The following PPP1R13B variants were observed in gnomAD, a reference collection of about 807,000 sequenced individuals.
PPP1R13B encodes apoptosis-stimulating of p53 protein 1.
PPP1R13B carries 44 observed loss-of-function variants against 119.8 expected under a neutral mutation model. The observed-to-expected ratio is 0.37, with a 90% CI of 0.29 to 0.47. PPP1R13B has a LOEUF of 0.47. Among genes scored for constraint, PPP1R13B ranks in the 20% least tolerant of loss-of-function variants. The probability of loss-of-function intolerance (pLI) is 0.99; values close to 1 mark genes in which losing one functional copy is unlikely to be tolerated. For synonymous variants in PPP1R13B, 542 were observed against 561.5 expected (o/e 0.97, Z 0.49); for missense variants, 1,227 against 1,413.5 (o/e 0.87, Z 2.12).
intron 4 of PPP1R13B, among the ~76,000 whole-genome samples, chr14:103,761,523 G>A (rs913078691): frequency 6.6e-6 from 1 of 151,950 alleles, no homozygotes; most frequent in East Asian, 1.9e-4. Context: ...CAGCGCTTTG[G>A]GAGGCCAAGG....
intron 1 of PPP1R13B, among the ~76,000 whole-genome samples, chr14:103,825,862 TGA>T (rs1477789705): frequency 1.3e-4 from 18 of 137,784 alleles, no homozygotes; most frequent in African/African-American, 4.6e-4. Flanking sequence ...TTTTTTTTTT[TGA>T]GAGAGAGTCT....
chr14:103,818,182 GA>G (rs1361795054), intron 1 of PPP1R13B, among the ~76,000 whole-genome samples: 1 of 152,122 alleles, frequency 6.6e-6, no homozygotes. Flanking sequence ...TCCTACTACA[GA>G]AAGGAAATTA....
chr14:103,817,193 T>C (rs922021934), intron 1 of PPP1R13B, among the ~76,000 whole-genome samples: 1 of 152,172 alleles, frequency 6.6e-6, no homozygotes, highest in African/African-American at 2.4e-5. Flanking sequence ...ATTCGGGCAC[T>C]AATGACATGA....
At position 103,740,389 on chromosome 14, in the gene PPP1R13B, G is replaced by A. The variant is rs1409907327; in HGVS notation, c.2027C>T (p.Thr676Met). 1.3e-5 allele frequency: 20 copies of A among 1,574,348 alleles called. No individual in the cohort carries two copies. The highest frequency in any genetic ancestry group is 4.7e-5 in the South Asian group (4 of 85,776). Reference protein sequence around the residue: ...LPRPLSPTKLTPIVHSPLRYQ... With the variant: ...LPRPLSPTKLMPIVHSPLRYQ... ...GCGCAGTGGCGAATGCACGATGGGC[G>A]TGAGCTTGGTGGGGCTGAGTGGCCG... Residue 676 changes from threonine (T) to methionine (M), a missense_variant, in exon 12 of 17, where the codon ACG (threonine) becomes ATG (methionine). Thr to Met is a moderately conservative substitution (Grantham distance 81, BLOSUM62 -1). Coordinates refer to ENST00000202556, the MANE Select transcript of PPP1R13B (RefSeq NM_015316.3). This position sits in a 1 kb window ranked among gnomAD's most constrained non-coding sequence, Gnocchi z 4.6.
intron 3 of PPP1R13B, among the ~76,000 whole-genome samples, chr14:103,779,559 G>A (rs902559241): frequency 6.6e-6 from 1 of 150,444 alleles, no homozygotes; most frequent in Non-Finnish European, 1.5e-5. Flanking sequence ...AGGATCACTT[G>A]AGCTCAGGAA....
chr14:103,743,727 T>A (rs1295713336), intron 9 of PPP1R13B, among the ~76,000 whole-genome samples: 1 of 152,194 alleles, frequency 6.6e-6, no homozygotes, highest in East Asian at 1.9e-4. Flanking sequence ...AGGGGATAAC[T>A]AAGTAGCAGC....
rs369261712 is a variant in PPP1R13B at position 103,737,707 on chromosome 14, G to A, written c.3018C>T (p.Ser1006=). 3 of 1,614,128 alleles carry A rather than the reference G, an allele frequency of 1.9e-6. No individual in the cohort carries two copies. Among genetic ancestry groups the A allele is most frequent in the Admixed American group, 1.7e-5 (1 of 60,004 alleles). ...TCCCCTGCGTACCATATAGAAACTG[G>A]GAGCACTGGATGTAGCCTTCCTCCA... ...EEMEEGYIQC[S]QFLYGVQEKL... Residue 1006 remains serine (S), a synonymous_variant, in exon 15 of 17, where the codon TCC becomes TCT. Coordinates refer to ENST00000202556, the MANE Select transcript of PPP1R13B (RefSeq NM_015316.3).
intron 7 of PPP1R13B, among the ~76,000 whole-genome samples, chr14:103,751,934 CTAAGTT>C (rs921242828): frequency 6.6e-6 from 1 of 152,146 alleles, no homozygotes; most frequent in Non-Finnish European, 1.5e-5. Flanking sequence ...AAATATCACC[CTAAGTT>C]TAATTCTTTA....
intron 8 of PPP1R13B, 30 bp from the exon 9 acceptor site, chr14:103,746,583 A>G (rs774415632): frequency 1.3e-6 from 2 of 1,518,956 alleles, no homozygotes; most frequent in South Asian, 2.4e-5. Context: ...GAGAGTCAAG[A>G]TTCTCCTACA....
intron 9 of PPP1R13B, among the ~76,000 whole-genome samples, chr14:103,745,163 G>T (rs940450181): frequency 1.1e-4 from 17 of 152,190 alleles, no homozygotes; most frequent in Admixed American, 1.1e-3. Flanking sequence ...GGCCGTAAGG[G>T]ATCTGAGTGG....
chr14:103,754,420 C>G (rs1401106535), intron 5 of PPP1R13B, among the ~76,000 whole-genome samples, 176 bp from the exon 6 acceptor site: 1 of 151,642 alleles, frequency 6.6e-6, no homozygotes, highest in Non-Finnish European at 1.5e-5. Context: ...CACAAAGTAA[C>G]TGGGCGTGGT....
At chr14:103,763,265 G>A (rs961103589) in intron 4 of PPP1R13B, 17 of 483,176 alleles carry the variant, frequency 3.5e-5, no homozygotes, top group South Asian at 6.9e-5. Flanking sequence ...TCTATGAAAC[G>A]TCTGTAGCTT....
chr14:103,823,134 C>T (rs1410672273), intron 1 of PPP1R13B, among the ~76,000 whole-genome samples: 2 of 151,840 alleles, frequency 1.3e-5, no homozygotes, highest in Admixed American at 6.6e-5. Context: ...GTCAGGAGAT[C>T]GAGACCATCC....
intron 2 of PPP1R13B, among the ~76,000 whole-genome samples, chr14:103,787,348 C>G (rs1225119995): frequency 6.6e-6 from 1 of 151,926 alleles, no homozygotes; most frequent in South Asian, 2.1e-4. Flanking sequence ...ACTCAGGAAG[C>G]TGAGGCAGAG....
chr14:103,784,068 C>T (rs866837600), intron 3 of PPP1R13B, among the ~76,000 whole-genome samples: 11 of 151,976 alleles, frequency 7.2e-5, no homozygotes, highest in South Asian at 2.1e-4. Flanking sequence ...CCCAACTACT[C>T]GGGAGGCTGA....
In PPP1R13B at chr14:103,816,544, G is replaced by A. The variant is rs537144856; in HGVS notation, c.10-19026C>T. 5.9e-5 allele frequency among the ~76,000 whole-genome samples: 9 copies of A among 151,434 alleles called. 1 individual carries two copies. Among genetic ancestry groups the A allele is most frequent in the South Asian group, 4.2e-4 (2 of 4,810 alleles). ...TCTGCTAAAAATATAAAAATTAGCC[G>A]GGGGTGGTGGCACATGCCTGTAATC... On this transcript the variant is annotated intron_variant, in intron 1 of 16. Transcript: ENST00000202556.
chr14:103,766,835 G>C (rs1457573810), intron 4 of PPP1R13B, among the ~76,000 whole-genome samples: 2 of 152,120 alleles, frequency 1.3e-5, no homozygotes, highest in Non-Finnish European at 2.9e-5. Context: ...TCGATCTCTT[G>C]ACCTCATGAT....
intron 9 of PPP1R13B, among the ~76,000 whole-genome samples, chr14:103,745,136 T>A (rs1251129383): frequency 6.6e-6 from 1 of 152,198 alleles, no homozygotes; most frequent in African/African-American, 2.4e-5. Flanking sequence ...CCACACTTTA[T>A]GTGGCTGCTG....
chr14:103,835,890 G>A (rs917259517), intron 1 of PPP1R13B, among the ~76,000 whole-genome samples: 1 of 151,980 alleles, frequency 6.6e-6, no homozygotes, highest in Admixed American at 6.5e-5. Context: ...TTACAGGCGT[G>A]AGCCACTGTG....
Sources: allele counts gnomAD v4.1 joint callset (sites outside exome capture counted in the v4.1 genomes callset), GRCh38; gene constraint gnomAD v4.1.1; non-coding constraint Gnocchi (gnomAD v3.1); transcripts MANE v1.5; gene names NCBI Gene and HGNC (gene_info 2026-07-23, HGNC 2026-07-21).